SPATS2L: variants seen among roughly 807,000 people sequenced by gnomAD.
SPATS2L encodes the protein spermatogenesis associated serine rich 2 like, also known as SPATS2-like protein.
In SPATS2L, 30 loss-of-function variants were observed where a neutral mutation model predicts 59.6. The ratio of observed to expected loss-of-function variants is 0.50; its 90% CI spans 0.38 to 0.68. SPATS2L has a LOEUF of 0.68. Ranked by LOEUF, SPATS2L falls within the 30% of genes least tolerant of loss-of-function variation. The pLI is 0.00. For synonymous variants in SPATS2L, 252 were observed against 263.5 expected, an observed-to-expected ratio of 0.96 and a Z score of 0.42; for missense variants, 615 against 700.0, an observed-to-expected ratio of 0.88 and a Z score of 1.37.
intron 9 of SPATS2L, among the ~76,000 whole-genome samples, chr2:200,464,602 A>G (rs1162672270): frequency 6.6e-6 from 1 of 152,100 alleles, no homozygotes; most frequent in South Asian, 2.1e-4. Flanking sequence ...TGACCCCTTT[A>G]CTAGCTGCTT....
chr2:200,449,272 A>C (rs1484012353), intron 8 of SPATS2L, among the ~76,000 whole-genome samples: 1 of 152,242 alleles, frequency 6.6e-6, no homozygotes. Flanking sequence ...TGATAAATAC[A>C]AAAAGTACTG....
At chr2:200,445,250 C>T (rs2084956150) in intron 8 of SPATS2L, among the ~76,000 whole-genome samples, 1 of 152,280 alleles carries the variant, frequency 6.6e-6, no homozygotes, top group East Asian at 1.9e-4. Context: ...GAAGTCGAGG[C>T]TGTGGTGAGC....
chr2:200,448,167 C>G (rs2085180506), intron 8 of SPATS2L, among the ~76,000 whole-genome samples: 1 of 152,096 alleles, frequency 6.6e-6, no homozygotes, highest in African/African-American at 2.4e-5. Flanking sequence ...AACGGGTGGG[C>G]ACAGTGGCCC....
At chr2:200,357,530 C>T (rs1167181500) in intron 2 of SPATS2L, among the ~76,000 whole-genome samples, 1 of 152,190 alleles carries the variant, frequency 6.6e-6, no homozygotes, top group Non-Finnish European at 1.5e-5. Context: ...AGTAACTATA[C>T]AACTTATCTG....
chr2:200,435,652 C>T (rs2084235914), intron 6 of SPATS2L, among the ~76,000 whole-genome samples: 1 of 152,126 alleles, frequency 6.6e-6, no homozygotes, highest in Non-Finnish European at 1.5e-5. Flanking sequence ...CCTGTCACCA[C>T]TTTTCTCATG....
intron 2 of SPATS2L, among the ~76,000 whole-genome samples, chr2:200,359,761 CAT>C (rs772998668): frequency 7.9e-5 from 12 of 152,326 alleles, no homozygotes; most frequent in Non-Finnish European, 1.0e-4. Flanking sequence ...CATTTCAACA[CAT>C]ATACACTGAG....
chr2:200,312,646 T>C (rs979877492), intron 1 of SPATS2L, among the ~76,000 whole-genome samples: 6 of 152,220 alleles, frequency 3.9e-5, no homozygotes, highest in African/African-American at 1.4e-4. Context: ...CCAGTTTTAC[T>C]GAAGAGCAAA....
chr2:200,339,398 T>C (rs960648625), intron 2 of SPATS2L, among the ~76,000 whole-genome samples: 1 of 152,176 alleles, frequency 6.6e-6, no homozygotes, highest in African/African-American at 2.4e-5. Flanking sequence ...CTTTTGAAAA[T>C]AATTATTCAT....
chr2:200,350,583 G>A (rs2080687221), intron 2 of SPATS2L, among the ~76,000 whole-genome samples: 1 of 152,140 alleles, frequency 6.6e-6, no homozygotes. Flanking sequence ...CTGGAGTGCA[G>A]TGGCACGATC....
intron 2 of SPATS2L, among the ~76,000 whole-genome samples, chr2:200,358,358 A>C (rs1244655404): frequency 6.6e-6 from 1 of 152,188 alleles, no homozygotes; most frequent in Non-Finnish European, 1.5e-5. Flanking sequence ...TTTTTCTTCC[A>C]GCATTTTCAT....
chr2:200,358,016 C>G (rs1057128377), intron 2 of SPATS2L, among the ~76,000 whole-genome samples: 2 of 152,060 alleles, frequency 1.3e-5, no homozygotes, highest in Non-Finnish European at 2.9e-5. Flanking sequence ...TGTCACTTGC[C>G]AAACATTCCT....
At chr2:200,416,119 G>A (rs748253700) in intron 4 of SPATS2L, among the ~76,000 whole-genome samples, 1 of 151,770 alleles carries the variant, frequency 6.6e-6, no homozygotes, top group Admixed American at 6.6e-5. Flanking sequence ...TTTTCCGTAC[G>A]ACAATATAAT....
chr2:200,358,353 C>G (rs775820262), intron 2 of SPATS2L, among the ~76,000 whole-genome samples: 4 of 152,110 alleles, frequency 2.6e-5, no homozygotes, highest in Non-Finnish European at 4.4e-5. Flanking sequence ...ACTTCTTTTT[C>G]TTCCAGCATT....
chr2:200,333,305 GAA>G (rs1197662056), intron 2 of SPATS2L, among the ~76,000 whole-genome samples: 2 of 149,530 alleles, frequency 1.3e-5, no homozygotes, highest in African/African-American at 4.9e-5. Context: ...GAGAGAGAGA[GAA>G]AGAAAAGACA....
intron 2 of SPATS2L, among the ~76,000 whole-genome samples, chr2:200,337,079 C>A (rs145584783): frequency 2.0e-5 from 3 of 152,144 alleles, no homozygotes; most frequent in Admixed American, 6.5e-5. Flanking sequence ...TTTTAACTAA[C>A]TCTCAATACA....
At chr2:200,410,722 G>A (rs1241914630) in intron 3 of SPATS2L, among the ~76,000 whole-genome samples, 1 of 151,738 alleles carries the variant, frequency 6.6e-6, no homozygotes, top group Non-Finnish European at 1.5e-5. Flanking sequence ...AAGTCTCCCT[G>A]TCATATGATT....
chr2:200,325,997 C>A (rs564160244), intron 1 of SPATS2L, among the ~76,000 whole-genome samples: 1 of 152,298 alleles, frequency 6.6e-6, no homozygotes, highest in South Asian at 2.1e-4. Flanking sequence ...CAAAATGATG[C>A]TCAAGGCACA....
intron 8 of SPATS2L, among the ~76,000 whole-genome samples, chr2:200,458,183 C>T (rs2085984701): frequency 6.6e-6 from 1 of 152,120 alleles, no homozygotes; most frequent in African/African-American, 2.4e-5. Context: ...GATAAAGTTT[C>T]TCTTTATGGA....
chr2:200,343,718 A>G (rs1244454918), intron 2 of SPATS2L, among the ~76,000 whole-genome samples: 4 of 152,192 alleles, frequency 2.6e-5, no homozygotes, highest in Non-Finnish European at 5.9e-5. Context: ...TATTCTGTAT[A>G]TGATGTCACA....
Sources: allele counts gnomAD v4.1 joint callset (sites outside exome capture counted in the v4.1 genomes callset), GRCh38; gene constraint gnomAD v4.1.1; transcripts MANE v1.5; gene names NCBI Gene and HGNC (gene_info 2026-07-23, HGNC 2026-07-21).